The following TMEM132D variants were observed in gnomAD, a reference collection of about 807,000 sequenced individuals.
TMEM132D encodes the protein transmembrane protein 132D.
Under a neutral mutation model 62.3 loss-of-function variants are expected in TMEM132D, and 21 were observed. The observed-to-expected ratio is 0.34, with a 90% CI of 0.24 to 0.49. TMEM132D has a LOEUF of 0.49. Among genes scored for constraint, TMEM132D ranks in the 20% least tolerant of loss-of-function variants. The pLI is 0.99. For synonymous variants in TMEM132D, 621 were observed against 575.6 expected (o/e 1.08, Z -1.13); for missense variants, 1,346 against 1,402.8 (o/e 0.96, Z 0.65).
chr12:129,103,549 C>T (rs934023417), intron 5 of TMEM132D, among the ~76,000 whole-genome samples: 2 of 152,164 alleles, frequency 1.3e-5, no homozygotes, highest in African/African-American at 2.4e-5. Context: ...CTTCAGCAGC[C>T]GGGATGATGG....
intron 4 of TMEM132D, among the ~76,000 whole-genome samples, chr12:129,330,874 A>C (rs1043517484): frequency 1.3e-5 from 2 of 152,228 alleles, no homozygotes; most frequent in Admixed American, 1.3e-4. Flanking sequence ...AAGGACTTAG[A>C]GTGCAAATCA....
rs201164383 is a variant in TMEM132D, at chr12:129,373,219, AC to A, written c.1116-35403del. On this transcript the variant is annotated intron_variant, in intron 3 of 8. Transcript: ENST00000422113. The stretch of plus-strand genomic sequence containing the variant: ...CAAATCCTTCTAATGGACTTGACTC[AC>A]CCCCACCCCACCTTCCAACCCTCAT... 6.3e-3 allele frequency among the ~76,000 whole-genome samples: 965 copies of A among 152,082 alleles called. 20 individuals carry two copies. Among genetic ancestry groups the A allele is most frequent in the Middle Eastern group, 0.034 (10 of 294 alleles).
At position 129,466,279 on chromosome 12, in the gene TMEM132D, CTTTTTTTTTTTTTT is replaced by C. The variant is rs551019541; in HGVS notation, c.1115+64766_1115+64779del. Among the ~76,000 whole-genome samples, 218 of 100,110 alleles carry C rather than the reference CTTTTTTTTTTTTTT, an allele frequency of 2.2e-3. 1 individual carries two copies. Among genetic ancestry groups the C allele is most frequent in the Middle Eastern group, 5.4e-3 (1 of 184 alleles). The allele number at this position is 100,110 out of a possible 152,430, so 65.7% of individuals were successfully genotyped here. A position where few individuals can be genotyped will look rare whatever the true frequency, so the allele number is the denominator to read the frequency against. On this transcript the variant is annotated intron_variant, in intron 3 of 8. Transcript: ENST00000422113. ...TATAACAGTGGCTGGTAGATTTTTC[CTTTTTTTTTTTTTT>C]TTTTTTTTTTTTTTTTTTTTTTTTT...
At chr12:129,095,911 A>G (rs1289585273) in intron 5 of TMEM132D, among the ~76,000 whole-genome samples, 4 of 152,154 alleles carry the variant, frequency 2.6e-5, no homozygotes, top group Non-Finnish European at 5.9e-5. Context: ...TCAACTGTGC[A>G]GATAAATACA....
chr12:129,221,373 G>A (rs1879341711), intron 4 of TMEM132D, among the ~76,000 whole-genome samples: 1 of 152,160 alleles, frequency 6.6e-6, no homozygotes, highest in Admixed American at 6.5e-5. Context: ...TGATTTGGGA[G>A]CAAGTTTTTA....
chr12:129,089,503 C>G (rs1271700575), intron 5 of TMEM132D, among the ~76,000 whole-genome samples: 1 of 130,036 alleles, frequency 7.7e-6, no homozygotes, highest in Admixed American at 8.1e-5. Flanking sequence ...ACCGGGTGTC[C>G]TCTATGACCG....
At chr12:129,102,686 G>A (rs908929920) in intron 5 of TMEM132D, among the ~76,000 whole-genome samples, 1 of 152,144 alleles carries the variant, frequency 6.6e-6, no homozygotes, top group African/African-American at 2.4e-5. Flanking sequence ...CTTTCTCTAA[G>A]CCTAATACTC....
intron 4 of TMEM132D, among the ~76,000 whole-genome samples, chr12:129,224,204 C>A (rs372171453): frequency 6.6e-6 from 1 of 151,776 alleles, no homozygotes; most frequent in African/African-American, 2.4e-5. Context: ...TCCTTTTTTT[C>A]CTCTTTAGTT....
intron 1 of TMEM132D, among the ~76,000 whole-genome samples, chr12:129,833,308 G>A (rs1047929763): frequency 1.1e-4 from 17 of 152,098 alleles, no homozygotes; most frequent in African/African-American, 4.1e-4. Context: ...CACCATTAAA[G>A]AATATTTCTG....
intron 1 of TMEM132D, among the ~76,000 whole-genome samples, chr12:129,818,260 G>A (rs1346415834): frequency 6.8e-6 from 1 of 146,464 alleles, no homozygotes; most frequent in Non-Finnish European, 1.5e-5. Flanking sequence ...AGTGTGAGGT[G>A]TATGTGTGTA....
chr12:129,751,440 C>T (rs1869997800), intron 1 of TMEM132D, among the ~76,000 whole-genome samples: 1 of 152,182 alleles, frequency 6.6e-6, no homozygotes, highest in Non-Finnish European at 1.5e-5. Context: ...GGGGGGATTA[C>T]AATTTGTGAT....
chr12:129,192,927 T>C (rs1393569959), intron 5 of TMEM132D, among the ~76,000 whole-genome samples: 4 of 152,148 alleles, frequency 2.6e-5, no homozygotes, highest in Non-Finnish European at 4.4e-5. Context: ...TCCCAACACT[T>C]TGGGAGGCCG....
intron 4 of TMEM132D, among the ~76,000 whole-genome samples, chr12:129,292,512 C>T (rs1881473616): frequency 6.6e-6 from 1 of 152,070 alleles, no homozygotes; most frequent in Non-Finnish European, 1.5e-5. Flanking sequence ...GGTTAATGAC[C>T]AAAGGAAAAC....
chr12:129,419,653 C>T (rs1026387870), intron 3 of TMEM132D, among the ~76,000 whole-genome samples: 8 of 152,234 alleles, frequency 5.3e-5, no homozygotes, highest in East Asian at 1.9e-4. Context: ...AATCTGCCTC[C>T]GGTTGCATTT....
At chr12:129,200,795 C>T (rs1304977567) in intron 5 of TMEM132D, among the ~76,000 whole-genome samples, 1 of 152,232 alleles carries the variant, frequency 6.6e-6, no homozygotes, top group Non-Finnish European at 1.5e-5. Context: ...CACTGAAGCA[C>T]TCCACCAGGG....
At chr12:129,642,214 C>T (rs1001178184) in intron 2 of TMEM132D, among the ~76,000 whole-genome samples, 3 of 152,174 alleles carry the variant, frequency 2.0e-5, no homozygotes, top group Non-Finnish European at 2.9e-5. Context: ...AGGGTGAATG[C>T]AATCGTTTAC....
At chr12:129,643,881 T>C (rs1201073669) in intron 2 of TMEM132D, among the ~76,000 whole-genome samples, 2 of 150,662 alleles carry the variant, frequency 1.3e-5, no homozygotes, top group African/African-American at 4.9e-5. Context: ...AGTCTCACTC[T>C]GTCACCAGAC....
chr12:129,894,395 G>A (rs1875034376), intron 1 of TMEM132D, among the ~76,000 whole-genome samples: 1 of 152,202 alleles, frequency 6.6e-6, no homozygotes, highest in African/African-American at 2.4e-5. Context: ...AGGGGACTCA[G>A]CCAAGGGGAT....
intron 4 of TMEM132D, chr12:129,212,327 G>A (rs890009724): frequency 2.0e-5 from 3 of 152,176 alleles, no homozygotes; most frequent in African/African-American, 7.2e-5. Context: ...CTGAGTGACT[G>A]AGCCTTCAGG....
Sources: allele counts gnomAD v4.1 joint callset (sites outside exome capture counted in the v4.1 genomes callset), GRCh38; gene constraint gnomAD v4.1.1; transcripts MANE v1.5; gene names NCBI Gene and HGNC (gene_info 2026-07-23, HGNC 2026-07-21).